The following DPP6 variants were observed in gnomAD, a reference collection of about 807,000 sequenced individuals.
DPP6 encodes A-type potassium channel modulatory protein DPP6.
DPP6 carries 69 observed loss-of-function variants against 122.6 expected under a neutral mutation model. That is an observed-to-expected ratio of 0.56 (90% CI 0.46 to 0.69). The LOEUF (loss-of-function observed/expected upper bound fraction) is 0.69, where lower values mean the gene tolerates loss of function less well. DPP6 is among the 30% of genes least tolerant of loss of function. The pLI is 0.00. For synonymous variants in DPP6, 418 were observed against 433.1 expected, an observed-to-expected ratio of 0.97 and a Z score of 0.43; for missense variants, 928 against 1,116.9, an observed-to-expected ratio of 0.83 and a Z score of 2.41.
chr7:154,789,753 T>C lies in DPP6; in HGVS notation c.1137-4326T>C, dbSNP rs150135243. Reference sequence around the variant, plus strand: ...AGCAAAAGTGTGACTACAAACCTTATAGAGCAAAAGAATGTCCCTTTGTCC... The same window carrying C: ...AGCAAAAGTGTGACTACAAACCTTACAGAGCAAAAGAATGTCCCTTTGTCC... On this transcript the variant is annotated intron_variant, in intron 10 of 25. Transcript: ENST00000377770. Among the ~76,000 whole-genome samples the C allele has an allele frequency of 2.1e-3, 314 of 152,348 alleles. 2 individuals carry two copies. Among genetic ancestry groups the C allele is most frequent in the African/African-American group, 7.2e-3 (301 of 41,584 alleles).
intron 1 of DPP6, chr7:154,026,883 T>C (rs1798980310): frequency 6.6e-6 from 1 of 152,058 alleles, no homozygotes. Context: ...AATATTCTAT[T>C]TTTAAAATTA....
chr7:154,817,367 G>A (rs1051482126), intron 16 of DPP6, among the ~76,000 whole-genome samples: 11 of 152,184 alleles, frequency 7.2e-5, no homozygotes, highest in South Asian at 2.1e-4. Context: ...GATGGATGAC[G>A]TCACAAAAGT....
chr7:153,791,500 C>T, the DPP6 span, among the ~76,000 whole-genome samples: 15 of 137,098 alleles, frequency 1.1e-4, no homozygotes, highest in African/African-American at 3.8e-4. Context: ...CTCACTGCAA[C>T]CTCTGCCTCC....
intron 3 of DPP6, among the ~76,000 whole-genome samples, chr7:154,537,957 T>A (rs28402791): frequency 0.017 from 2,604 of 152,160 alleles, 69 homozygotes; most frequent in African/African-American, 0.059. Flanking sequence ...CAAGACAGCA[T>A]GGACTATTAT....
intron 1 of DPP6, among the ~76,000 whole-genome samples, chr7:154,295,145 G>A (rs1302588858): frequency 6.6e-6 from 1 of 152,212 alleles, no homozygotes; most frequent in Non-Finnish European, 1.5e-5. Context: ...ACTTTGGAGT[G>A]AAACATGAGC....
chr7:154,228,859 C>T (rs1800758707), intron 1 of DPP6, among the ~76,000 whole-genome samples: 1 of 152,076 alleles, frequency 6.6e-6, no homozygotes, highest in Non-Finnish European at 1.5e-5. Context: ...TCAATGTAAC[C>T]TTTTTTACAT....
chr7:154,222,112 C>T (rs977629362), intron 1 of DPP6, among the ~76,000 whole-genome samples: 2 of 152,132 alleles, frequency 1.3e-5, no homozygotes, highest in Admixed American at 6.6e-5. Flanking sequence ...TGAATCTGCC[C>T]CAGCATCCAA....
chr7:154,022,888 G>A lies in DPP6; in HGVS notation c.51+135154G>A, dbSNP rs115233180. On this transcript the variant is annotated intron_variant, in intron 1 of 25. Coordinates refer to the DPP6 transcript ENST00000404039. ...GTCTTCCTCAGACATCAAAGAGCGG[G>A]GAGAACCCAACTGCCAACTGGTTTG... Among the ~76,000 whole-genome samples, 708 of 152,304 alleles carry A rather than the reference G, an allele frequency of 4.6e-3. 8 individuals carry two copies. Among genetic ancestry groups the A allele is most frequent in the African/African-American group, 0.016 (674 of 41,568 alleles).
intron 1 of DPP6, among the ~76,000 whole-genome samples, chr7:153,920,454 G>A (rs550285406): frequency 3.0e-4 from 45 of 152,074 alleles, no homozygotes; most frequent in Admixed American, 2.7e-3. Flanking sequence ...TCAAAGCAGC[G>A]AGAAAGGTTG....
intron 3 of DPP6, among the ~76,000 whole-genome samples, chr7:154,514,437 G>A (rs557877550): frequency 1.4e-4 from 22 of 151,918 alleles, no homozygotes; most frequent in Non-Finnish European, 2.4e-4. Context: ...CCATGTAAAA[G>A]TATATACTTT....
chr7:154,646,038 A>AAAAAAAAG lies in DPP6; in HGVS notation c.680+8170_680+8177dup, dbSNP rs1554421945. On this transcript the variant is annotated intron_variant, in intron 6 of 25. Transcript: ENST00000377770. Reference sequence around the variant, plus strand: ...GTGAGACTCCGTCTCAAAAAAAAAAAAAAAAAAGAAAATACTGAGGGCTCT... The same window carrying AAAAAAAAG: ...GTGAGACTCCGTCTCAAAAAAAAAAAAAAAAAAGAAAAAAAGAAAATACTGAGGGCTCT... Among the ~76,000 whole-genome samples the AAAAAAAAG allele has an allele frequency of 3.3e-5, 5 of 150,016 alleles. 1 individual carries two copies. Among genetic ancestry groups the AAAAAAAAG allele is most frequent in the Non-Finnish European group, 5.9e-5 (4 of 67,408 alleles).
intron 1 of DPP6, among the ~76,000 whole-genome samples, chr7:153,975,110 C>T (rs1346961104): frequency 6.6e-6 from 1 of 152,088 alleles, no homozygotes; most frequent in Non-Finnish European, 1.5e-5. Flanking sequence ...CTGGAGTACC[C>T]ATGAGACGTA....
At chr7:154,598,756 C>T (rs1227923731) in intron 5 of DPP6, among the ~76,000 whole-genome samples, 1 of 152,224 alleles carries the variant, frequency 6.6e-6, no homozygotes, top group African/African-American at 2.4e-5. Flanking sequence ...GTACAACCCA[C>T]AGGCATCTTG....
intron 1 of DPP6, among the ~76,000 whole-genome samples, chr7:153,988,945 C>A (rs1440991626): frequency 1.3e-5 from 2 of 150,004 alleles, no homozygotes; most frequent in African/African-American, 4.9e-5. Context: ...AAGGGGGCTT[C>A]GCAGGTCATT....
the DPP6 span, among the ~76,000 whole-genome samples, chr7:153,881,185 G>T: frequency 6.6e-6 from 1 of 152,202 alleles, no homozygotes; most frequent in Non-Finnish European, 1.5e-5. Flanking sequence ...AAAGTAGGAG[G>T]ACTCAAAGAA....
At chr7:154,886,785 T>C (rs1563329009) in intron 22 of DPP6, among the ~76,000 whole-genome samples, 1 of 152,162 alleles carries the variant, frequency 6.6e-6, no homozygotes, top group East Asian at 1.9e-4. Flanking sequence ...CCGAGCCCTG[T>C]AGACACCGCC....
chr7:154,632,436 G>A (rs1016020480), intron 5 of DPP6, among the ~76,000 whole-genome samples: 2 of 152,074 alleles, frequency 1.3e-5, no homozygotes, highest in Non-Finnish European at 2.9e-5. Context: ...TTGGAGTAGG[G>A]GAAGCAAGGG....
intron 1 of DPP6, among the ~76,000 whole-genome samples, chr7:154,271,007 CAAT>C (rs1585794255): frequency 1.3e-5 from 2 of 152,168 alleles, no homozygotes; most frequent in East Asian, 3.8e-4. Context: ...GATACTGCAA[CAAT>C]AATAAGCTGT....
intron 10 of DPP6, among the ~76,000 whole-genome samples, chr7:154,776,815 A>T (rs149202034): frequency 5.9e-5 from 9 of 152,302 alleles, no homozygotes; most frequent in African/African-American, 1.9e-4. Flanking sequence ...ACTGAAACTA[A>T]GACACCTCGT....
Sources: allele counts gnomAD v4.1 joint callset (sites outside exome capture counted in the v4.1 genomes callset), GRCh38; gene constraint gnomAD v4.1.1; transcripts MANE v1.5; gene names NCBI Gene and HGNC (gene_info 2026-07-23, HGNC 2026-07-21).